ZNRF3: variants seen among roughly 807,000 people sequenced by gnomAD.
The protein encoded by ZNRF3 is E3 ubiquitin-protein ligase ZNRF3.
In ZNRF3, 23 loss-of-function variants were observed where a neutral mutation model predicts 72.5. That is an observed-to-expected ratio of 0.32 (90% CI 0.23 to 0.45). The LOEUF (loss-of-function observed/expected upper bound fraction) is 0.45. Among genes scored for constraint, ZNRF3 ranks in the 20% least tolerant of loss-of-function variants. ZNRF3 has a pLI of 1.00. For synonymous variants in ZNRF3, 610 were observed against 545.3 expected, an observed-to-expected ratio of 1.12 and a Z score of -1.65; for missense variants, 1,169 against 1,272.1, an observed-to-expected ratio of 0.92 and a Z score of 1.23.
rs1436037942 is a variant in ZNRF3 at position 28,883,990 on chromosome 22, C to T, written c.224C>T (p.Thr75Ile). ...LFESSPSGDYTTYTTGLTGRF... is the reference protein window; with the variant it reads ...LFESSPSGDYITYTTGLTGRF... ...GAGTCGAGCCCAAGCGGCGATTACACCACCTACACCACCGGCCTCACGGGC... is the reference window on the plus strand; with the variant it reads ...GAGTCGAGCCCAAGCGGCGATTACATCACCTACACCACCGGCCTCACGGGC... Residue 75 changes from threonine (T) to isoleucine (I), a missense_variant, in exon 1 of 9, where the codon ACC becomes ATC. By Grantham distance (89) the Thr-to-Ile change is moderately conservative (BLOSUM62 -1). Around this residue, in one of 2 missense-constraint regions of ZNRF3, gnomAD observed 386 missense variants for 540.7 expected, o/e 0.71. Transcript: ENST00000544604. This position sits in a 1 kb window ranked among gnomAD's most constrained non-coding sequence, Gnocchi z 5.5. 3 of 1,328,146 alleles carry T rather than the reference C, an allele frequency of 2.3e-6. No homozygotes were observed. Among genetic ancestry groups the T allele is most frequent in the Non-Finnish European group, 2.9e-6 (3 of 1,022,436 alleles). 82.3% of individuals were successfully genotyped at this position (1,328,146 alleles called of 1,614,324 possible).
At chr22:28,905,076 C>T (rs1418000606) in intron 1 of ZNRF3, among the ~76,000 whole-genome samples, 7 of 151,970 alleles carry the variant, frequency 4.6e-5, no homozygotes, top group Non-Finnish European at 1.0e-4. Flanking sequence ...GCTGGTACTA[C>T]AGGCACCTGA....
intron 1 of ZNRF3, among the ~76,000 whole-genome samples, chr22:28,904,138 C>A (rs1464147228): frequency 3.3e-5 from 5 of 152,160 alleles, no homozygotes; most frequent in Non-Finnish European, 5.9e-5. Flanking sequence ...GAAAACAACT[C>A]CTAGTTAACC....
intron 1 of ZNRF3, among the ~76,000 whole-genome samples, chr22:28,919,844 TGAG>T (rs1601558149): frequency 6.6e-6 from 1 of 152,016 alleles, no homozygotes; most frequent in East Asian, 1.9e-4. Context: ...CAATAAGCGA[TGAG>T]GGGGTGAAAT....
chr22:28,992,382 A>G (rs890965352), intron 2 of ZNRF3, among the ~76,000 whole-genome samples: 3 of 152,002 alleles, frequency 2.0e-5, no homozygotes, highest in African/African-American at 7.3e-5. Context: ...GCCCTTCCAC[A>G]GCACCTGACT....
intron 2 of ZNRF3, among the ~76,000 whole-genome samples, chr22:29,005,890 C>G (rs1199622571): frequency 6.6e-6 from 1 of 152,070 alleles, no homozygotes. Flanking sequence ...ACAAAATTAG[C>G]TGGGCGTGGT....
chr22:29,012,682 C>T (rs909958293), intron 2 of ZNRF3, among the ~76,000 whole-genome samples: 5 of 152,208 alleles, frequency 3.3e-5, no homozygotes, highest in Non-Finnish European at 5.9e-5. Context: ...TTGTTAAATT[C>T]GCAGCTTACT....
At chr22:28,921,809 AC>A (rs375549474) in intron 1 of ZNRF3, among the ~76,000 whole-genome samples, 280 of 152,278 alleles carry the variant, frequency 1.8e-3, no homozygotes, top group African/African-American at 6.5e-3. Context: ...TATCTTTCTA[AC>A]TGTTAATAGG....
chr22:28,931,804 T>C (rs1416599690), intron 1 of ZNRF3, among the ~76,000 whole-genome samples: 1 of 152,168 alleles, frequency 6.6e-6, no homozygotes, highest in African/African-American at 2.4e-5. Context: ...CACCCTAGAA[T>C]CAGGAGGACT....
intron 1 of ZNRF3, among the ~76,000 whole-genome samples, chr22:28,978,529 T>C (rs2035712684): frequency 2.6e-5 from 4 of 152,212 alleles, no homozygotes; most frequent in Admixed American, 2.6e-4. Context: ...GATGAAATCC[T>C]TCTCTGCCTT....
Position 29,002,672 on chromosome 22 carries a change from A to T in ZNRF3, c.426+15471A>T, listed in dbSNP as rs147457178. ...GGCCCTTATTCTCAGAAGGGGATAT[A>T]GGTGTCTTTGTGGGATGGGTATCCT... On this transcript the variant is annotated intron_variant, in intron 2 of 8. Transcript: ENST00000544604. Among the ~76,000 whole-genome samples the T allele has an allele frequency of 6.4e-3, 973 of 152,350 alleles. 9 individuals carry two copies. The highest frequency in any genetic ancestry group is 0.021 in the African/African-American group (866 of 41,592).
At chr22:29,019,064 C>G (rs1239234802) in intron 2 of ZNRF3, among the ~76,000 whole-genome samples, 1 of 151,574 alleles carries the variant, frequency 6.6e-6, no homozygotes, top group African/African-American at 2.4e-5. Flanking sequence ...CTCTTATCAT[C>G]CAGTAGACTA....
chr22:28,956,982 G>A (rs1368103546), intron 1 of ZNRF3, among the ~76,000 whole-genome samples: 2 of 152,208 alleles, frequency 1.3e-5, no homozygotes, highest in Non-Finnish European at 2.9e-5. Context: ...ATCTTGATTT[G>A]TTAAGAAGGT....
In ZNRF3 at chr22:28,951,289, T is replaced by A. The variant is rs541646755; in HGVS notation, c.301-35787T>A. On this transcript the variant is annotated intron_variant, in intron 1 of 8. Coordinates refer to ENST00000544604, the MANE Select transcript of ZNRF3 (RefSeq NM_001206998.2). ...CAGCACCTCAGAATGCGACCTTTTT[T>A]GGAGATTGAGTCTTTACGGAGGTAA... 2.0e-5 allele frequency among the ~76,000 whole-genome samples: 3 copies of A among 152,276 alleles called. No individual in the cohort carries two copies. In the East Asian group the frequency reaches 5.8e-4, roughly 29 times the overall value.
chr22:28,921,732 A>G (rs2034517649), intron 1 of ZNRF3, among the ~76,000 whole-genome samples: 1 of 152,180 alleles, frequency 6.6e-6, no homozygotes, highest in Non-Finnish European at 1.5e-5. Flanking sequence ...ACTGTTTCAT[A>G]TTCCCCCACA....
At chr22:29,007,759 T>C (rs1286933499) in intron 2 of ZNRF3, among the ~76,000 whole-genome samples, 7 of 143,628 alleles carry the variant, frequency 4.9e-5, no homozygotes, top group Admixed American at 2.1e-4. Context: ...TTCCTTTTTT[T>C]TTTTTTTTTT....
Position 29,050,907 on chromosome 22 carries a change from AG to A in ZNRF3, c.2728del (p.Asp910ThrfsTer46). 1 of 1,553,310 alleles carries A rather than the reference AG, an allele frequency of 6.4e-7. No individual in the cohort carries two copies. The highest frequency in any genetic ancestry group is 8.6e-7 in the Non-Finnish European group (1 of 1,158,354). On this transcript the variant is annotated frameshift_variant, in exon 8 of 9. Coordinates refer to ENST00000544604, the MANE Select transcript of ZNRF3 (RefSeq NM_001206998.2). LOFTEE classifies it high-confidence loss of function. ...AGGGCCAACTTCCCTAGTGCCCTCC[AG>A]GACACTCAGGAGTCCAGCACCACTG... ...AVRANFPSAL[Q>X]DTQESSTTAT...
intron 2 of ZNRF3, among the ~76,000 whole-genome samples, chr22:29,037,327 G>A (rs1015037061): frequency 4.6e-5 from 7 of 152,120 alleles, no homozygotes; most frequent in Admixed American, 2.0e-4. Context: ...TAGGCTTCAC[G>A]TTTTCCCACC....
intron 2 of ZNRF3, among the ~76,000 whole-genome samples, chr22:29,034,996 G>A (rs1291779269): frequency 2.3e-5 from 3 of 130,956 alleles, no homozygotes; most frequent in Non-Finnish European, 1.6e-5. Context: ...TGCTTTGTTA[G>A]ACCTTTTTTT....
chr22:28,942,443 T>G (rs974127984), intron 1 of ZNRF3, among the ~76,000 whole-genome samples: 1 of 152,210 alleles, frequency 6.6e-6, no homozygotes, highest in African/African-American at 2.4e-5. Flanking sequence ...GCCCCTTTCC[T>G]TCTTGTCCCT....
Sources: allele counts gnomAD v4.1 joint callset (sites outside exome capture counted in the v4.1 genomes callset), GRCh38; gene constraint gnomAD v4.1.1; regional missense constraint gnomAD v4.1.1; non-coding constraint Gnocchi (gnomAD v3.1); transcripts MANE v1.5; gene names NCBI Gene and HGNC (gene_info 2026-07-23, HGNC 2026-07-21).